Variants in MCF2L2 observed in about 807,000 individuals in gnomAD.
The protein encoded by MCF2L2 is MCF.2 cell line derived transforming sequence-like 2.
In MCF2L2, 102 loss-of-function variants were observed where a neutral mutation model predicts 150.2. The observed-to-expected ratio is 0.68, with a 90% CI of 0.58 to 0.80. The LOEUF (loss-of-function observed/expected upper bound fraction) is 0.80. MCF2L2 is among the 30% of genes least tolerant of loss of function. MCF2L2 has a pLI of 0.00. For missense variants in MCF2L2, 1,256 were observed against 1,372.8 expected (o/e 0.91, Z 1.34); for synonymous variants, 465 against 491.3 (o/e 0.95, Z 0.71).
At chr3:183,225,922 A>G (rs1376231207) in intron 18 of MCF2L2, 1 of 152,224 alleles carries the variant, frequency 6.6e-6, no homozygotes, top group Admixed American at 6.5e-5. Context: ...AGTTTAAGTT[A>G]TTTACTGGAG....
At chr3:183,301,002 A>C (rs1728814774) in intron 10 of MCF2L2, among the ~76,000 whole-genome samples, 1 of 142,260 alleles carries the variant, frequency 7.0e-6, no homozygotes, top group African/African-American at 2.7e-5. Context: ...GTGACAGAGC[A>C]AGACTCCATC....
chr3:183,403,701 T>C (rs1201324324), intron 1 of MCF2L2, among the ~76,000 whole-genome samples: 1 of 152,240 alleles, frequency 6.6e-6, no homozygotes, highest in Non-Finnish European at 1.5e-5. Flanking sequence ...TATCAGGATC[T>C]GACTCCTGAA....
At chr3:183,328,484 G>A (rs149819128) in intron 5 of MCF2L2, among the ~76,000 whole-genome samples, 25 of 150,944 alleles carry the variant, frequency 1.7e-4, no homozygotes, top group African/African-American at 5.8e-4. Context: ...TAGAGCCCCT[G>A]ATTGGTGTCT....
intron 10 of MCF2L2, among the ~76,000 whole-genome samples, chr3:183,302,366 A>C (rs1342553270): frequency 6.6e-6 from 1 of 152,172 alleles, no homozygotes; most frequent in East Asian, 1.9e-4. Flanking sequence ...CTGAGACCTG[A>C]AGTCAGGGAC....
chr3:183,378,772 C>A (rs1286727722), intron 3 of MCF2L2: 1 of 151,870 alleles, frequency 6.6e-6, no homozygotes, highest in Non-Finnish European at 1.5e-5. Flanking sequence ...AATCCTAGCA[C>A]TTTGGGAGGC....
chr3:183,426,941 T>C (rs1216907293), intron 1 of MCF2L2, among the ~76,000 whole-genome samples: 1 of 152,244 alleles, frequency 6.6e-6, no homozygotes, highest in African/African-American at 2.4e-5. Context: ...GTTGGACTAA[T>C]TGAGGCAACA....
intron 15 of MCF2L2, among the ~76,000 whole-genome samples, chr3:183,250,387 A>G (rs1420212455): frequency 6.6e-6 from 1 of 152,006 alleles, no homozygotes; most frequent in East Asian, 1.9e-4. Context: ...GGAGTTCAAG[A>G]CCTGCCTGGC....
chr3:183,294,500 C>T (rs544529265), intron 13 of MCF2L2, among the ~76,000 whole-genome samples: 86 of 150,396 alleles, frequency 5.7e-4, no homozygotes, highest in African/African-American at 1.9e-3. Context: ...TACAGGCGCC[C>T]GCCACCATGC....
intron 1 of MCF2L2, among the ~76,000 whole-genome samples, chr3:183,412,815 G>A (rs1275148861): frequency 6.6e-6 from 1 of 152,138 alleles, no homozygotes; most frequent in Admixed American, 6.5e-5. Context: ...GTCTTTGGGG[G>A]AAAGCATTCA....
chr3:183,389,899 T>C (rs1316313237), intron 1 of MCF2L2, 120 bp from the exon 2 acceptor site: 2 of 728,224 alleles, frequency 2.7e-6, no homozygotes, highest in African/African-American at 1.7e-5. Context: ...GAGACGGTGC[T>C]GGCACAACAT....
chr3:183,365,542 G>A (rs1712470577), intron 3 of MCF2L2, among the ~76,000 whole-genome samples: 1 of 152,162 alleles, frequency 6.6e-6, no homozygotes, highest in South Asian at 2.1e-4. Flanking sequence ...TAAAATTAAT[G>A]GTGTTCAGAT....
chr3:183,301,169 G>C (rs1033973232), intron 10 of MCF2L2, among the ~76,000 whole-genome samples: 2 of 152,014 alleles, frequency 1.3e-5, no homozygotes, highest in African/African-American at 4.8e-5. Context: ...AAGTTTTCCT[G>C]TTTGTTTAAG....
chr3:183,207,478 C>T (rs563627457), intron 23 of MCF2L2, 130 bp downstream of exon 23: 9 of 695,962 alleles, frequency 1.3e-5, no homozygotes, highest in Non-Finnish European at 2.2e-5. Context: ...GGATTCTAGC[C>T]CTGTGGTGTG....
At chr3:183,361,271 T>C (rs1359053236) in intron 3 of MCF2L2, among the ~76,000 whole-genome samples, 1 of 152,174 alleles carries the variant, frequency 6.6e-6, no homozygotes, top group East Asian at 1.9e-4. Flanking sequence ...TTTGTCCTTG[T>C]TGCTGTTGTT....
chr3:183,315,057 C>T (rs1729548347), intron 7 of MCF2L2, among the ~76,000 whole-genome samples: 1 of 148,736 alleles, frequency 6.7e-6, no homozygotes, highest in Non-Finnish European at 1.5e-5. Flanking sequence ...CTGCCTCAGC[C>T]TCCTGAGTAC....
rs1169681537 is a variant in MCF2L2, at chr3:183,311,746, C to T, written c.780G>A (p.Gln260=). ...GGATGCATGACAGCAATGTGGTCCC[C>T]TGCTTTCCAAGTAATTTCAGCTCAT... The part of the protein sequence containing the change: ...LQDELKLLGK[Q]GTTLLSCIQE... The change falls in exon 8 of 30, where the codon CAG becomes CAA. Residue 260 remains glutamine (Q), a synonymous_variant. Coordinates refer to ENST00000328913, the MANE Select transcript of MCF2L2 (RefSeq NM_015078.4). The T allele has an allele frequency of 6.2e-7, 1 of 1,613,918 alleles. No individual in the cohort carries two copies. Among genetic ancestry groups the T allele is most frequent in the Non-Finnish European group, 8.5e-7 (1 of 1,179,928 alleles).
chr3:183,244,095 G>A (rs1724147340), intron 15 of MCF2L2, among the ~76,000 whole-genome samples: 2 of 151,886 alleles, frequency 1.3e-5, no homozygotes, highest in African/African-American at 4.8e-5. Flanking sequence ...CTGCACTCCA[G>A]CCCGGGTGAC....
chr3:183,241,443 A>G (rs1373900612), intron 15 of MCF2L2, among the ~76,000 whole-genome samples: 1 of 152,192 alleles, frequency 6.6e-6, no homozygotes, highest in Non-Finnish European at 1.5e-5. Flanking sequence ...TAATTGAATC[A>G]TGAGGGCAGG....
rs1721517839 is a variant in MCF2L2, at chr3:183,181,446, C to T, written c.3017-1287G>A. ...AGCAAGTCCTGGTTGAGTTCCTAGT[C>T]CCAGGAGGTGGGAGGGGCAAGGGGT... On this transcript the variant is annotated intron_variant, in intron 27 of 29. Transcript: ENST00000328913. The surrounding 1 kb of genome is among the most constrained non-coding windows in gnomAD (Gnocchi z 4.3). Among the ~76,000 whole-genome samples, 2 of 152,008 alleles carry T rather than the reference C, an allele frequency of 1.3e-5. No homozygotes were observed. The highest frequency in any genetic ancestry group is 4.2e-4 in the South Asian group (2 of 4,814).
Sources: allele counts gnomAD v4.1 joint callset (sites outside exome capture counted in the v4.1 genomes callset), GRCh38; gene constraint gnomAD v4.1.1; non-coding constraint Gnocchi (gnomAD v3.1); transcripts MANE v1.5; gene names NCBI Gene and HGNC (gene_info 2026-07-23, HGNC 2026-07-21).